Variants in NFIB observed in about 807,000 individuals in gnomAD.
NFIB encodes the protein nuclear factor I B.
A neutral mutation model predicts 61.5 loss-of-function variants in NFIB; 11 were observed. The observed-to-expected ratio is 0.18, with a 90% CI of 0.11 to 0.30. The LOEUF (loss-of-function observed/expected upper bound fraction) is 0.30, where lower values mean the gene tolerates loss of function less well. Among genes scored for constraint, NFIB ranks in the 10% least tolerant of loss-of-function variants. NFIB has a pLI of 1.00. For synonymous variants in NFIB, 260 were observed against 216.5 expected, an observed-to-expected ratio of 1.20 and a Z score of -1.76; for missense variants, 471 against 608.9, an observed-to-expected ratio of 0.77 and a Z score of 2.38.
rs59723347 is a variant in NFIB at position 14,279,681 on chromosome 9, G to A, written c.562+27308C>T. On this transcript the variant is annotated intron_variant, in intron 2 of 10. Coordinates refer to ENST00000380953, the MANE Select transcript of NFIB (RefSeq NM_001190737.2). The stretch of plus-strand genomic sequence containing the variant: ...CCACAACATGTACTGCTGCTAGTCT[G>A]TATTTGCTCCTTCTGCACACTCCTT... Among the ~76,000 whole-genome samples the A allele has an allele frequency of 9.4e-3, 1,430 of 152,256 alleles. 29 individuals are homozygous for A. The highest frequency in any genetic ancestry group is 0.032 in the African/African-American group (1,319 of 41,540).
intron 2 of NFIB, among the ~76,000 whole-genome samples, chr9:14,285,249 A>C (rs1044506760): frequency 6.6e-6 from 1 of 152,018 alleles, no homozygotes; most frequent in East Asian, 1.9e-4. Flanking sequence ...CAGCCTCCTG[A>C]GTAGCTGGGA....
intron 2 of NFIB, among the ~76,000 whole-genome samples, chr9:14,246,042 G>A: frequency 6.6e-6 from 1 of 151,638 alleles, no homozygotes; most frequent in East Asian, 1.9e-4. Flanking sequence ...TGTGTGCAAT[G>A]AACAGGAATG....
At chr9:14,122,720 T>C (rs527460789) in intron 7 of NFIB, among the ~76,000 whole-genome samples, 2 of 152,310 alleles carry the variant, frequency 1.3e-5, no homozygotes, top group African/African-American at 4.8e-5. Context: ...GATATATACA[T>C]AGTTCCATCT....
the NFIB span, among the ~76,000 whole-genome samples, chr9:14,531,404 G>C: frequency 6.6e-6 from 1 of 152,312 alleles, no homozygotes; most frequent in Non-Finnish European, 1.5e-5. Context: ...ATAGTAATCA[G>C]TGGTTGCTCC....
At chr9:14,389,422 G>T (rs944380872) in intron 1 of NFIB, among the ~76,000 whole-genome samples, 1 of 151,960 alleles carries the variant, frequency 6.6e-6, no homozygotes, top group Non-Finnish European at 1.5e-5. Context: ...ATATTAAATA[G>T]ATCCATATGC....
chr9:14,347,974 G>T (rs567654257), intron 1 of NFIB, among the ~76,000 whole-genome samples: 5 of 152,148 alleles, frequency 3.3e-5, no homozygotes, highest in African/African-American at 1.2e-4. Context: ...ACGTGCGCTC[G>T]CGGTCCTTGG....
intron 1 of NFIB, among the ~76,000 whole-genome samples, chr9:14,394,618 C>CA (rs1487627521): frequency 2.0e-5 from 3 of 152,190 alleles, no homozygotes; most frequent in Admixed American, 1.3e-4. Flanking sequence ...CTGCCCTTAA[C>CA]AAGTGGGGAT....
chr9:14,245,103 T>A (rs753892250), intron 2 of NFIB, among the ~76,000 whole-genome samples: 1 of 152,200 alleles, frequency 6.6e-6, no homozygotes, highest in African/African-American at 2.4e-5. Flanking sequence ...CAGACCTGTA[T>A]TTTCATTTGC....
intron 3 of NFIB, among the ~76,000 whole-genome samples, chr9:14,175,624 T>C (rs955009657): frequency 6.6e-6 from 1 of 152,182 alleles, no homozygotes; most frequent in Non-Finnish European, 1.5e-5. Flanking sequence ...CAATATATAA[T>C]CCTACTGGTT....
chr9:14,217,398 C>T lies in NFIB; in HGVS notation c.563-37618G>A, dbSNP rs972937888. 6.3e-4 allele frequency among the ~76,000 whole-genome samples: 96 copies of T among 152,076 alleles called. 1 individual carries two copies. The highest frequency in any genetic ancestry group is 2.0e-3 in the African/African-American group (82 of 41,490). On this transcript the variant is annotated intron_variant, in intron 2 of 10. Transcript: ENST00000380953. The stretch of plus-strand genomic sequence containing the variant: ...AAACTAGGCTGGGCGCGGTGGCTCA[C>T]GTCTGTAATCCCAGCATTTTGGGAG...
At chr9:14,485,553 G>C in the NFIB span, among the ~76,000 whole-genome samples, 10 of 152,310 alleles carry the variant, frequency 6.6e-5, no homozygotes, top group African/African-American at 2.2e-4. Context: ...GACACTGCTA[G>C]GATCTGGGAT....
In NFIB at chr9:14,120,145, T is replaced by C. The variant is rs1197385269; in HGVS notation, c.1245+295A>G. On this transcript the variant is annotated intron_variant, in intron 8 of 10. Coordinates refer to ENST00000380953, the MANE Select transcript of NFIB (RefSeq NM_001190737.2). The surrounding 1 kb of genome is among the most constrained non-coding windows in gnomAD (Gnocchi z 4.4). ...AACCAGGTATTTAAGAGGTGTGAAC[T>C]CCAGCCCAGAGCTTTCCTGTCAATG... Among the ~76,000 whole-genome samples, 1 of 152,206 alleles carries C rather than the reference T, an allele frequency of 6.6e-6. No homozygotes were observed. Among genetic ancestry groups the C allele is most frequent in the African/African-American group, 2.4e-5 (1 of 41,460 alleles).
At chr9:14,117,743 G>C (rs2038351996) in intron 8 of NFIB, among the ~76,000 whole-genome samples, 1 of 151,810 alleles carries the variant, frequency 6.6e-6, no homozygotes, top group South Asian at 2.1e-4. Flanking sequence ...AAATTGACCA[G>C]AGTTTTCCAA....
intron 1 of NFIB, among the ~76,000 whole-genome samples, chr9:14,334,754 T>A (rs1333020265): frequency 6.6e-6 from 1 of 152,200 alleles, no homozygotes; most frequent in Non-Finnish European, 1.5e-5. Flanking sequence ...TTGACATCCA[T>A]ATACACCCAT....
chr9:14,155,914 A>T, intron 3 of NFIB, 21 bp from the exon 4 acceptor site: 3 of 1,391,400 alleles, frequency 2.2e-6, no homozygotes, highest in Non-Finnish European at 3.0e-6. Flanking sequence ...ATATTAAAGG[A>T]AAAATGATCA....
At chr9:14,500,170 A>T in the NFIB span, among the ~76,000 whole-genome samples, 5 of 152,180 alleles carry the variant, frequency 3.3e-5, no homozygotes, top group African/African-American at 9.7e-5. Flanking sequence ...ATGAGGAAAC[A>T]GGCACAGAGA....
chr9:14,385,784 C>CTT (rs533472565), intron 1 of NFIB, among the ~76,000 whole-genome samples: 4 of 139,866 alleles, frequency 2.9e-5, no homozygotes, highest in East Asian at 2.1e-4. Context: ...ACAGTGGAAT[C>CTT]TTTTTTTTTT....
chr9:14,449,968 T>G, the NFIB span, among the ~76,000 whole-genome samples: 1 of 151,950 alleles, frequency 6.6e-6, no homozygotes, highest in African/African-American at 2.4e-5. Flanking sequence ...AATAAAATTT[T>G]TTTTAAAAAA....
chr9:14,247,538 G>A, intron 2 of NFIB, among the ~76,000 whole-genome samples: 1 of 152,204 alleles, frequency 6.6e-6, no homozygotes, highest in Non-Finnish European at 1.5e-5. Flanking sequence ...AGGTCAGGAG[G>A]GCCATCTGAC....
Sources: gnomAD v4.1 joint callset for allele counts (sites outside exome capture counted in the v4.1 genomes callset) on GRCh38, gnomAD v4.1.1 for gene constraint, Gnocchi (gnomAD v3.1) non-coding constraint, MANE v1.5 for transcripts, NCBI Gene and HGNC (gene_info 2026-07-23, HGNC 2026-07-21) for gene names.